CERS6: variants seen among roughly 807,000 people sequenced by gnomAD.
The protein encoded by CERS6 is LAG1 homolog, ceramide synthase 6.
Under a neutral mutation model 56.8 loss-of-function variants are expected in CERS6, and 26 were observed. The ratio of observed to expected loss-of-function variants is 0.46; its 90% confidence interval spans 0.34 to 0.63. The LOEUF (loss-of-function observed/expected upper bound fraction) is 0.63, where lower values mean the gene tolerates loss of function less well. Among genes scored for constraint, CERS6 ranks in the 30% least tolerant of loss-of-function variants. CERS6 has a pLI of 0.01. For missense variants in CERS6, 415 were observed against 467.5 expected, an observed-to-expected ratio of 0.89 and a Z score of 1.04; for synonymous variants, 164 against 173.3, an observed-to-expected ratio of 0.95 and a Z score of 0.42.
chr2:168,588,098 G>T (rs1443342255), intron 3 of CERS6, among the ~76,000 whole-genome samples: 740 of 58,586 alleles, frequency 0.013, 5 homozygotes, highest in African/African-American at 0.03. Context: ...TTTTTTTTTT[G>T]GTAGAGATGG....
At chr2:168,505,125 C>T (rs1246151028) in intron 1 of CERS6, among the ~76,000 whole-genome samples, 3 of 151,880 alleles carry the variant, frequency 2.0e-5, no homozygotes, top group Non-Finnish European at 1.5e-5. Flanking sequence ...GCCTGTAATA[C>T]CAGCACTTTG....
intron 8 of CERS6, among the ~76,000 whole-genome samples, chr2:168,762,779 A>G (rs1027911939): frequency 6.6e-6 from 1 of 152,238 alleles, no homozygotes; most frequent in African/African-American, 2.4e-5. Flanking sequence ...AGGGTTGAAG[A>G]CAAACTGTTA....
intron 1 of CERS6, among the ~76,000 whole-genome samples, chr2:168,546,560 C>A (rs141123961): frequency 1.3e-5 from 2 of 152,154 alleles, no homozygotes; most frequent in African/African-American, 2.4e-5. Flanking sequence ...AAAACAAAAA[C>A]CTTTGTCTAC....
At chr2:168,758,692 A>G (rs962526063) in intron 8 of CERS6, among the ~76,000 whole-genome samples, 1 of 152,230 alleles carries the variant, frequency 6.6e-6, no homozygotes, top group African/African-American at 2.4e-5. Context: ...ATGTTCATCT[A>G]ATTTTACATA....
At chr2:168,538,314 C>G (rs927523781) in intron 1 of CERS6, among the ~76,000 whole-genome samples, 5 of 152,036 alleles carry the variant, frequency 3.3e-5, no homozygotes, top group African/African-American at 1.2e-4. Flanking sequence ...CTCTCTGACC[C>G]CACTTCATTC....
At chr2:168,580,073 C>A (rs1031730813) in intron 3 of CERS6, among the ~76,000 whole-genome samples, 9 of 152,196 alleles carry the variant, frequency 5.9e-5, no homozygotes, top group African/African-American at 2.2e-4. Flanking sequence ...TATTCCCAAA[C>A]ACTATAATTT....
rs552830472 is a variant in CERS6 at position 168,656,781 on chromosome 2, A to G, written c.465+25739A>G. 5.9e-3 allele frequency among the ~76,000 whole-genome samples: 897 copies of G among 152,198 alleles called. 36 individuals carry two copies. Among genetic ancestry groups the G allele is most frequent in the Non-Finnish European group, 1.0e-3 (69 of 68,008 alleles). ...CTGCTGGCTCGGGCAGCCTGCTTTTATTCTCTTATCTGGCCCCACCCACAT... is the reference window on the plus strand; with the variant it reads ...CTGCTGGCTCGGGCAGCCTGCTTTTGTTCTCTTATCTGGCCCCACCCACAT... On this transcript the variant is annotated intron_variant, in intron 4 of 9. Coordinates refer to ENST00000305747, the MANE Select transcript of CERS6 (RefSeq NM_203463.3).
intron 1 of CERS6, among the ~76,000 whole-genome samples, chr2:168,508,814 A>G (rs962668853): frequency 2.6e-5 from 4 of 152,306 alleles, no homozygotes; most frequent in African/African-American, 7.2e-5. Context: ...TACCTATGTA[A>G]CAAACCTGCA....
chr2:168,595,690 G>T (rs1375256688), intron 3 of CERS6, among the ~76,000 whole-genome samples: 1 of 152,122 alleles, frequency 6.6e-6, no homozygotes, highest in Non-Finnish European at 1.5e-5. Flanking sequence ...AATTGTAATG[G>T]TTTGAATTGA....
intron 8 of CERS6, among the ~76,000 whole-genome samples, chr2:168,752,368 G>A (rs965253399): frequency 9.2e-5 from 14 of 151,464 alleles, no homozygotes; most frequent in Non-Finnish European, 1.6e-4. Flanking sequence ...TGTGTCCAGC[G>A]TCACCAAGTT....
At chr2:168,738,893 G>A (rs1683797847) in intron 8 of CERS6, among the ~76,000 whole-genome samples, 1 of 151,490 alleles carries the variant, frequency 6.6e-6, no homozygotes, top group Admixed American at 6.6e-5. Flanking sequence ...GTTTGTTTTG[G>A]GGGGTTTTTT....
At chr2:168,631,462 AATATAATATATAAT>A (rs1242197875) in intron 4 of CERS6, among the ~76,000 whole-genome samples, 4 of 127,814 alleles carry the variant, frequency 3.1e-5, no homozygotes, top group Non-Finnish European at 6.3e-5. Context: ...ATTATATAAA[AATATAATATATAAT>A]ATATAATATA....
At chr2:168,607,574 G>A (rs1410447019) in intron 3 of CERS6, among the ~76,000 whole-genome samples, 1 of 152,070 alleles carries the variant, frequency 6.6e-6, no homozygotes, top group Non-Finnish European at 1.5e-5. Flanking sequence ...TAGAGACGGG[G>A]TTTCACCATG....
chr2:168,743,099 C>T lies in CERS6; in HGVS notation c.846-22493C>T, dbSNP rs141153491. On this transcript the variant is annotated intron_variant, in intron 8 of 9. Transcript: ENST00000305747. ...TCACACTACTTGGGGCCGACCCTAA[C>T]ACTCCCAGTTAAAGAGTGATTAAGA... Among the ~76,000 whole-genome samples the T allele has an allele frequency of 2.2e-3, 330 of 152,096 alleles. 1 individual carries two copies. The highest frequency in any genetic ancestry group is 3.6e-3 in the Non-Finnish European group (246 of 68,016).
At chr2:168,518,881 A>T (rs138361870) in intron 1 of CERS6, among the ~76,000 whole-genome samples, 21 of 152,096 alleles carry the variant, frequency 1.4e-4, no homozygotes, top group African/African-American at 4.6e-4. Context: ...TCCTTTATGC[A>T]TCTCTCCCAA....
chr2:168,551,890 G>A (rs1695579365), intron 2 of CERS6, among the ~76,000 whole-genome samples: 1 of 152,090 alleles, frequency 6.6e-6, no homozygotes, highest in African/African-American at 2.4e-5. Flanking sequence ...AGAATTATCT[G>A]GGTAAATATG....
chr2:168,660,777 T>C (rs748482051), intron 4 of CERS6, among the ~76,000 whole-genome samples: 1 of 152,224 alleles, frequency 6.6e-6, no homozygotes, highest in African/African-American at 2.4e-5. Context: ...TGGTTTTGAA[T>C]CCTTTTGAAA....
At chr2:168,632,872 G>A (rs1004172289) in intron 4 of CERS6, among the ~76,000 whole-genome samples, 9 of 152,056 alleles carry the variant, frequency 5.9e-5, no homozygotes, top group Non-Finnish European at 1.3e-4. Flanking sequence ...GGATGAGCAC[G>A]TTTTTGCTCT....
At chr2:168,522,093 T>G (rs1479615592) in intron 1 of CERS6, among the ~76,000 whole-genome samples, 5 of 152,176 alleles carry the variant, frequency 3.3e-5, no homozygotes, top group Non-Finnish European at 7.4e-5. Flanking sequence ...TGTGACTTTG[T>G]TTGGTTTTGA....
Sources: gnomAD v4.1 joint callset for allele counts (sites outside exome capture counted in the v4.1 genomes callset) on GRCh38, gnomAD v4.1.1 for gene constraint, MANE v1.5 for transcripts, NCBI Gene and HGNC (gene_info 2026-07-23, HGNC 2026-07-21) for gene names.